The following ARHGAP24 variants were observed in gnomAD, a reference collection of about 807,000 sequenced individuals.
ARHGAP24 encodes rho GTPase-activating protein 24.
ARHGAP24 carries 50 observed loss-of-function variants against 76.4 expected under a neutral mutation model. The observed-to-expected ratio is 0.65, with a 90% CI of 0.52 to 0.83. The LOEUF is 0.83. Among genes scored for constraint, ARHGAP24 ranks in the 40% least tolerant of loss-of-function variants. ARHGAP24 has a pLI of 0.00. For synonymous variants in ARHGAP24, 345 were observed against 323.3 expected, an observed-to-expected ratio of 1.07 and a Z score of -0.72; for missense variants, 930 against 914.2, an observed-to-expected ratio of 1.02 and a Z score of -0.22.
intron 3 of ARHGAP24, among the ~76,000 whole-genome samples, chr4:85,775,904 T>C (rs1253805511): frequency 1.3e-5 from 2 of 152,002 alleles, no homozygotes; most frequent in East Asian, 3.9e-4. Flanking sequence ...AGGGGAATGA[T>C]GGGAAAGATG....
intron 2 of ARHGAP24, among the ~76,000 whole-genome samples, chr4:85,646,436 G>A (rs545843408): frequency 6.6e-6 from 1 of 152,034 alleles, no homozygotes; most frequent in East Asian, 1.9e-4. Flanking sequence ...CAACCCCGTT[G>A]CATCTAATTA....
intron 4 of ARHGAP24, chr4:85,930,855 G>A: frequency 6.2e-7 from 1 of 1,607,148 alleles, no homozygotes; most frequent in South Asian, 1.1e-5. Flanking sequence ...CAAGCATGAG[G>A]AGTGGCTGTT....
intron 1 of ARHGAP24, among the ~76,000 whole-genome samples, chr4:85,540,449 C>T (rs544119212): frequency 4.5e-4 from 68 of 152,196 alleles, no homozygotes; most frequent in African/African-American, 1.6e-3. Context: ...AAATCCTTGC[C>T]CTTGAGATGA....
At chr4:85,490,640 G>A (rs1723312986) in intron 1 of ARHGAP24, among the ~76,000 whole-genome samples, 1 of 152,102 alleles carries the variant, frequency 6.6e-6, no homozygotes, top group African/African-American at 2.4e-5. Context: ...ATCAAGCCAT[G>A]GAACATTTGT....
chr4:85,771,026 T>A (rs1380620222), intron 3 of ARHGAP24, among the ~76,000 whole-genome samples: 1 of 152,082 alleles, frequency 6.6e-6, no homozygotes, highest in East Asian at 1.9e-4. Context: ...AGCTTGGGGG[T>A]CCCCATCTAC....
chr4:85,544,123 T>C (rs1362402372), intron 1 of ARHGAP24, among the ~76,000 whole-genome samples: 1 of 152,170 alleles, frequency 6.6e-6, no homozygotes, highest in Non-Finnish European at 1.5e-5. Flanking sequence ...AGTTTCTGAG[T>C]CCATAAGGGG....
chr4:85,744,478 A>G (rs1442866034), intron 3 of ARHGAP24, among the ~76,000 whole-genome samples: 1 of 152,250 alleles, frequency 6.6e-6, no homozygotes, highest in Non-Finnish European at 1.5e-5. Context: ...AGAGCAAAAA[A>G]TTAGTACTCT....
At chr4:85,778,169 G>A (rs1446170084) in intron 3 of ARHGAP24, among the ~76,000 whole-genome samples, 1 of 152,142 alleles carries the variant, frequency 6.6e-6, no homozygotes, top group East Asian at 1.9e-4. Flanking sequence ...CTTGAAACAT[G>A]GCAGCTCCTG....
At chr4:85,597,667 A>G (rs530619238) in intron 2 of ARHGAP24, among the ~76,000 whole-genome samples, 1 of 151,786 alleles carries the variant, frequency 6.6e-6, no homozygotes, top group East Asian at 1.9e-4. Context: ...TATTTGGGAG[A>G]CATTAAATAA....
chr4:85,880,794 G>T (rs539803054), intron 3 of ARHGAP24, among the ~76,000 whole-genome samples: 2 of 152,300 alleles, frequency 1.3e-5, no homozygotes, highest in African/African-American at 4.8e-5. Flanking sequence ...CTCCCAAAGT[G>T]CTGCGATTAC....
intron 1 of ARHGAP24, among the ~76,000 whole-genome samples, chr4:85,563,090 A>G (rs2110136769): frequency 6.6e-6 from 1 of 152,282 alleles, no homozygotes; most frequent in Non-Finnish European, 1.5e-5. Context: ...GCTTTGACCT[A>G]ATCTCATGCA....
At chr4:85,729,126 CT>C (rs1560605100) in intron 3 of ARHGAP24, among the ~76,000 whole-genome samples, 1 of 151,290 alleles carries the variant, frequency 6.6e-6, no homozygotes, top group Admixed American at 6.6e-5. Flanking sequence ...GTGACAATCT[CT>C]TTTTTTGTCT....
intron 1 of ARHGAP24, among the ~76,000 whole-genome samples, chr4:85,511,106 G>A (rs1346137588): frequency 2.0e-5 from 3 of 152,130 alleles, no homozygotes; most frequent in Non-Finnish European, 2.9e-5. Flanking sequence ...GGTTATTCCA[G>A]TAATTCAAAA....
chr4:85,636,185 GT>G (rs1292591088), intron 2 of ARHGAP24, among the ~76,000 whole-genome samples: 4 of 149,848 alleles, frequency 2.7e-5, no homozygotes, highest in African/African-American at 9.8e-5. Context: ...CACTTTCCTT[GT>G]TTTTTTTTAA....
chr4:85,757,665 C>T (rs1291672973), intron 3 of ARHGAP24, among the ~76,000 whole-genome samples: 2 of 152,052 alleles, frequency 1.3e-5, no homozygotes, highest in Non-Finnish European at 2.9e-5. Flanking sequence ...CGAATAGTGC[C>T]GCAATAAACA....
chr4:85,608,468 A>G (rs951410011), intron 2 of ARHGAP24, among the ~76,000 whole-genome samples: 4 of 151,784 alleles, frequency 2.6e-5, no homozygotes, highest in African/African-American at 9.7e-5. Flanking sequence ...TTACATATAA[A>G]CATAAACAAT....
At chr4:85,739,492 C>G (rs1241842454) in intron 3 of ARHGAP24, among the ~76,000 whole-genome samples, 1 of 152,114 alleles carries the variant, frequency 6.6e-6, no homozygotes, top group African/African-American at 2.4e-5. Context: ...GCACTTAATC[C>G]TTCTAGAATC....
At chr4:85,932,050 AC>A (rs780843810) in intron 4 of ARHGAP24, among the ~76,000 whole-genome samples, 1 of 152,146 alleles carries the variant, frequency 6.6e-6, no homozygotes, top group Non-Finnish European at 1.5e-5. Flanking sequence ...TTTTAAGGAA[AC>A]CATTGTTCCT....
chr4:85,650,405 C>T (rs1332523150), intron 2 of ARHGAP24, among the ~76,000 whole-genome samples: 1 of 149,444 alleles, frequency 6.7e-6, no homozygotes, highest in Non-Finnish European at 1.5e-5. Flanking sequence ...GCTTGGGTTT[C>T]AGCCCTAGGT....
Sources: gnomAD v4.1 joint callset for allele counts (sites outside exome capture counted in the v4.1 genomes callset) on GRCh38, gnomAD v4.1.1 for gene constraint, MANE v1.5 for transcripts, NCBI Gene and HGNC (gene_info 2026-07-23, HGNC 2026-07-21) for gene names.